The following COL24A1 variants were observed in gnomAD, a reference collection of about 807,000 sequenced individuals.
COL24A1 encodes the protein collagen type XXIV alpha 1 chain.
Under a neutral mutation model 253.9 loss-of-function variants are expected in COL24A1, and 224 were observed. That is an observed-to-expected ratio of 0.88 (90% CI 0.79 to 0.99). COL24A1 has a LOEUF of 0.99. Ranked by LOEUF, COL24A1 falls within the 50% of genes least tolerant of loss-of-function variation. COL24A1 has a pLI of 0.00. For missense variants in COL24A1, 2,131 were observed against 2,068.5 expected, an observed-to-expected ratio of 1.03 and a Z score of -0.59; for synonymous variants, 685 against 673.7, an observed-to-expected ratio of 1.02 and a Z score of -0.26.
At chr1:85,818,281 T>C (rs145483603) in intron 45 of COL24A1, among the ~76,000 whole-genome samples, 194 bp from the exon 46 acceptor site, 13 of 152,204 alleles carry the variant, frequency 8.5e-5, no homozygotes, top group Non-Finnish European at 1.3e-4. Context: ...CAAGATCATC[T>C]AGTAATTTCC....
Position 85,936,162 on chromosome 1 carries a change from A to G in COL24A1, c.2563-24729T>C, listed in dbSNP as rs972840708. On this transcript the variant is annotated intron_variant, in intron 24 of 59. Coordinates refer to ENST00000370571, the MANE Select transcript of COL24A1 (RefSeq NM_152890.7). ...ATGCCAAAGTCAGGGTCTTGGTTAG[A>G]AAAAAAAAAATGGAACTCTGATACT... Among the ~76,000 whole-genome samples the G allele has an allele frequency of 2.8e-5, 4 of 143,084 alleles. 1 individual carries two copies. Among genetic ancestry groups the G allele is most frequent in the Admixed American group, 1.4e-4 (2 of 14,224 alleles). The allele number at this position is 143,084 out of a possible 152,430, so 93.9% of individuals were successfully genotyped here.
rs1324268885 is a variant in COL24A1 at position 85,772,176 on chromosome 1, C to T, written c.4374+3498G>A. Among the ~76,000 whole-genome samples, 4 of 151,828 alleles carry T rather than the reference C, an allele frequency of 2.6e-5. No individual in the cohort carries two copies. The East Asian group carries it at 7.8e-4, about 30-fold the overall frequency. On this transcript the variant is annotated intron_variant, in intron 53 of 59. Coordinates refer to ENST00000370571, the MANE Select transcript of COL24A1 (RefSeq NM_152890.7). ...AGTATTCCATGGTGTATATGTGCCA[C>T]ATTTTCTTAATCCAGTCTATCATTG... is the stretch of plus-strand genomic sequence containing the variant.
chr1:85,859,553 C>G (rs1252671016), intron 37 of COL24A1, among the ~76,000 whole-genome samples: 1 of 152,120 alleles, frequency 6.6e-6, no homozygotes, highest in East Asian at 1.9e-4. Flanking sequence ...AAGGTCCCCC[C>G]TGGTTATTTG....
chr1:86,010,053 C>T (rs1696352258), intron 19 of COL24A1, among the ~76,000 whole-genome samples: 1 of 151,966 alleles, frequency 6.6e-6, no homozygotes, highest in African/African-American at 2.4e-5. Flanking sequence ...ACAACATTCA[C>T]ACACACAAAA....
intron 2 of COL24A1, among the ~76,000 whole-genome samples, chr1:86,139,894 G>A (rs1650827224): frequency 6.6e-6 from 1 of 152,010 alleles, no homozygotes; most frequent in Admixed American, 6.6e-5. Flanking sequence ...TATTCATTTT[G>A]TATTATTTTT....
intron 3 of COL24A1, among the ~76,000 whole-genome samples, chr1:86,122,652 A>G (rs1647557834): frequency 6.6e-6 from 1 of 151,984 alleles, no homozygotes. Flanking sequence ...TTTGATAGTC[A>G]TCTTTTATTC....
chr1:86,012,338 C>G (rs965202901), intron 19 of COL24A1, among the ~76,000 whole-genome samples: 8 of 152,062 alleles, frequency 5.3e-5, no homozygotes, highest in Non-Finnish European at 1.2e-4. Flanking sequence ...CCCTGTAATC[C>G]CAGCACTTTG....
intron 12 of COL24A1, among the ~76,000 whole-genome samples, chr1:86,039,136 G>C (rs1699258497): frequency 7.7e-6 from 1 of 129,846 alleles, no homozygotes; most frequent in African/African-American, 3.0e-5. Context: ...TATTTTAAAT[G>C]TATGATATGC....
intron 19 of COL24A1, among the ~76,000 whole-genome samples, chr1:85,990,084 G>A (rs939137485): frequency 2.6e-4 from 40 of 151,852 alleles, no homozygotes; most frequent in East Asian, 1.9e-4. Context: ...ATGCTTTGTC[G>A]TTGTTGTAGT....
At chr1:85,800,372 T>A (rs1316676512) in intron 47 of COL24A1, among the ~76,000 whole-genome samples, 1 of 152,148 alleles carries the variant, frequency 6.6e-6, no homozygotes, top group Non-Finnish European at 1.5e-5. Flanking sequence ...GCCCCCAACC[T>A]GACAAGATTC....
At chr1:86,081,402 T>C (rs1332455890) in intron 7 of COL24A1, among the ~76,000 whole-genome samples, 2 of 152,158 alleles carry the variant, frequency 1.3e-5, no homozygotes, top group African/African-American at 2.4e-5. Context: ...AAAGTTCACC[T>C]GCAATAAATT....
intron 53 of COL24A1, among the ~76,000 whole-genome samples, chr1:85,771,278 T>G (rs1220580031): frequency 6.6e-6 from 1 of 151,866 alleles, no homozygotes; most frequent in Non-Finnish European, 1.5e-5. Context: ...CAGGCCCCGG[T>G]GTGTGATGTT....
chr1:86,135,450 A>G (rs1014919478), intron 2 of COL24A1, among the ~76,000 whole-genome samples: 2 of 152,096 alleles, frequency 1.3e-5, no homozygotes, highest in African/African-American at 4.8e-5. Flanking sequence ...AAAAATTCGT[A>G]TTATGAGTAT....
chr1:85,736,872 A>C (rs1396014586), intron 58 of COL24A1, among the ~76,000 whole-genome samples: 1 of 152,224 alleles, frequency 6.6e-6, no homozygotes. Flanking sequence ...TAGTTTAACA[A>C]ACTAACATGC....
At chr1:86,089,379 TG>T in intron 6 of COL24A1, 152 bp from the exon 7 acceptor site, 1 of 676,512 alleles carries the variant, frequency 1.5e-6, no homozygotes, top group Non-Finnish European at 2.5e-6. Flanking sequence ...TGAGGCTTCC[TG>T]CCTTTCCTTA....
At chr1:86,069,676 G>A (rs1701734238) in intron 7 of COL24A1, among the ~76,000 whole-genome samples, 1 of 139,240 alleles carries the variant, frequency 7.2e-6, no homozygotes, top group African/African-American at 2.7e-5. Context: ...AGAGAGAGGA[G>A]AGACTCCATT....
intron 3 of COL24A1, among the ~76,000 whole-genome samples, chr1:86,117,357 C>T (rs565842631): frequency 1.5e-4 from 23 of 152,298 alleles, no homozygotes; most frequent in African/African-American, 2.4e-4. Context: ...GGACACAGCA[C>T]GAAGGTGCCA....
chr1:86,109,398 T>C (rs1323733778), intron 5 of COL24A1, among the ~76,000 whole-genome samples: 1 of 152,224 alleles, frequency 6.6e-6, no homozygotes, highest in Non-Finnish European at 1.5e-5. Flanking sequence ...ATACCACTTA[T>C]GGCATCGTAG....
rs1305491619 is a variant in COL24A1, at chr1:85,870,495, G to A, written c.3139-1660C>T. ...AAAAGAACAGAAATTATAACAAACT[G>A]TCTCTCAGACCACAGTGCAATCAAA... is the stretch of plus-strand genomic sequence containing the variant. On this transcript the variant is annotated intron_variant, in intron 35 of 59. Transcript: ENST00000370571. 2.6e-5 allele frequency among the ~76,000 whole-genome samples: 4 copies of A among 152,258 alleles called. No homozygotes were observed. In the South Asian group the frequency reaches 6.2e-4, roughly 24 times the overall value.
Sources: gnomAD v4.1 joint callset for allele counts (sites outside exome capture counted in the v4.1 genomes callset) on GRCh38, gnomAD v4.1.1 for gene constraint, MANE v1.5 for transcripts, NCBI Gene and HGNC (gene_info 2026-07-23, HGNC 2026-07-21) for gene names.